ERC2: variants seen among roughly 807,000 people sequenced by gnomAD.
ERC2 encodes ERC protein 2.
In ERC2, 42 loss-of-function variants were observed where a neutral mutation model predicts 114.8. The observed-to-expected ratio is 0.37, with a 90% CI of 0.29 to 0.47. The LOEUF is 0.47. Ranked by LOEUF, ERC2 falls within the 20% of genes least tolerant of loss-of-function variation. ERC2 has a pLI of 0.99. For missense variants in ERC2, 939 were observed against 1,150.7 expected, an observed-to-expected ratio of 0.82 and a Z score of 2.66; for synonymous variants, 454 against 425.5, an observed-to-expected ratio of 1.07 and a Z score of -0.82.
rs118000572 is a variant in ERC2 at position 56,453,303 on chromosome 3, C to G, written c.-141+14945G>C. ...TGGGTAAAACATTCTTTTTTCTTCT[C>G]TACCATGAAGATAGGCTGTCCAAGA... On this transcript the variant is annotated intron_variant, in intron 1 of 17. Transcript: ENST00000288221. 3.0e-3 allele frequency among the ~76,000 whole-genome samples: 464 copies of G among 152,268 alleles called. 6 individuals carry two copies. The East Asian group carries it at 0.036, about 12-fold the overall frequency.
chr3:56,082,116 C>T (rs1376130027), intron 6 of ERC2, among the ~76,000 whole-genome samples: 2 of 152,104 alleles, frequency 1.3e-5, no homozygotes, highest in Non-Finnish European at 2.9e-5. Flanking sequence ...CCACAATTAT[C>T]TTGCTGCCAC....
At chr3:55,563,638 C>T (rs535047009) in intron 17 of ERC2, among the ~76,000 whole-genome samples, 19 of 152,302 alleles carry the variant, frequency 1.2e-4, no homozygotes, top group African/African-American at 4.1e-4. Flanking sequence ...GAAAGGGCCA[C>T]GGAACGTGGA....
At chr3:55,725,211 C>T (rs921636818) in intron 15 of ERC2, among the ~76,000 whole-genome samples, 3 of 152,144 alleles carry the variant, frequency 2.0e-5, no homozygotes, top group Non-Finnish European at 4.4e-5. Flanking sequence ...AGCCACCTCC[C>T]CCTTTATGCA....
At position 56,182,660 on chromosome 3, in the gene ERC2, A is replaced by C. The variant is rs570061631; in HGVS notation, c.1075-9140T>G. 5.6e-4 allele frequency among the ~76,000 whole-genome samples: 86 copies of C among 152,342 alleles called. No individual in the cohort carries two copies. In the Middle Eastern group the frequency reaches 0.014, roughly 24 times the overall value. ...ACTCAAGAAAACCTTACTGAACTGT[A>C]CTGCAGAAATTTATCCCAGGCAGTC... On this transcript the variant is annotated intron_variant, in intron 3 of 17. Coordinates refer to ENST00000288221, the MANE Select transcript of ERC2 (RefSeq NM_015576.3).
chr3:55,670,801 G>A lies in ERC2; in HGVS notation c.*39+12993C>T, dbSNP rs114500099. Among the ~76,000 whole-genome samples the A allele has an allele frequency of 2.3e-3, 350 of 152,286 alleles. 2 individuals are homozygous for A. Among genetic ancestry groups the A allele is most frequent in the African/African-American group, 8.0e-3 (332 of 41,562 alleles). ...CTGGTTTTTGTGTGGTCTGCAAGTC[G>A]AAAATGGGTTTTACCTTTTTCAACA... On this transcript the variant is annotated intron_variant, in intron 17 of 17. Transcript: ENST00000288221.
chr3:56,443,674 T>G (rs1341163220), intron 1 of ERC2, among the ~76,000 whole-genome samples: 2 of 152,152 alleles, frequency 1.3e-5, no homozygotes, highest in East Asian at 1.9e-4. Flanking sequence ...TTTTTTTGGT[T>G]GTTGTCTCCT....
chr3:55,549,580 T>A (rs2055007661), intron 17 of ERC2, among the ~76,000 whole-genome samples: 1 of 151,216 alleles, frequency 6.6e-6, no homozygotes, highest in Admixed American at 6.6e-5. Context: ...TGCAAGGCTG[T>A]TATATCAGGT....
intron 2 of ERC2, among the ~76,000 whole-genome samples, chr3:56,306,332 C>T (rs908400820): frequency 2.0e-5 from 3 of 152,154 alleles, no homozygotes; most frequent in Non-Finnish European, 2.9e-5. Context: ...CAGTACAGCA[C>T]TATTCCTAAT....
chr3:56,442,961 G>A (rs957604596), intron 1 of ERC2, among the ~76,000 whole-genome samples: 4 of 152,180 alleles, frequency 2.6e-5, no homozygotes, highest in African/African-American at 7.2e-5. Flanking sequence ...TGAGAGGAAG[G>A]TGATTACAGG....
intron 13 of ERC2, among the ~76,000 whole-genome samples, chr3:55,907,276 T>C (rs1039331861): frequency 6.6e-6 from 1 of 152,180 alleles, no homozygotes; most frequent in Non-Finnish European, 1.5e-5. Flanking sequence ...TTAAGAAAGA[T>C]CCCAGTTCAA....
intron 6 of ERC2, among the ~76,000 whole-genome samples, chr3:56,123,925 T>G (rs1299184813): frequency 6.6e-6 from 1 of 152,214 alleles, no homozygotes; most frequent in African/African-American, 2.4e-5. Context: ...GACAAGGGTA[T>G]GTCGCCTAAC....
chr3:55,515,777 T>C (rs2107159965), intron 17 of ERC2, among the ~76,000 whole-genome samples: 1 of 152,166 alleles, frequency 6.6e-6, no homozygotes. Context: ...GAGCAGGCTA[T>C]AAACGTGTGG....
intron 14 of ERC2, among the ~76,000 whole-genome samples, chr3:55,847,133 A>G (rs1405692898): frequency 1.3e-5 from 2 of 152,196 alleles, no homozygotes; most frequent in Admixed American, 6.5e-5. Flanking sequence ...ATACAAATAG[A>G]TTTATCAGAT....
intron 14 of ERC2, among the ~76,000 whole-genome samples, chr3:55,827,968 T>C (rs1295021286): frequency 2.6e-5 from 4 of 152,188 alleles, no homozygotes; most frequent in African/African-American, 9.6e-5. Context: ...AGCACGTCCA[T>C]CGCCACTGCG....
chr3:55,803,123 T>C (rs2059366876), intron 14 of ERC2, among the ~76,000 whole-genome samples: 1 of 152,204 alleles, frequency 6.6e-6, no homozygotes, highest in African/African-American at 2.4e-5. Flanking sequence ...GGAAGACCAG[T>C]AACCAAGTGC....
Position 56,296,456 on chromosome 3 carries a change from C to T in ERC2, c.658-21G>A, listed in dbSNP as rs191340154. On this transcript the variant is annotated intron_variant, in intron 2 of 17. Transcript: ENST00000288221. The stretch of plus-strand genomic sequence containing the variant: ...AGGTGCTGCAATGAGAAAGATGGAG[C>T]GGGAGAGGAGAAAGAAGGAAAAAAA... 716 of 1,582,952 alleles carry T rather than the reference C, an allele frequency of 4.5e-4. No individual in the cohort carries two copies. In the African/African-American group the frequency reaches 7.9e-3, roughly 17 times the overall value.
chr3:56,265,827 G>T (rs949927898), intron 3 of ERC2, among the ~76,000 whole-genome samples: 1 of 151,870 alleles, frequency 6.6e-6, no homozygotes, highest in Admixed American at 6.6e-5. Context: ...TCAGGAGTTC[G>T]AGACCAGCCT....
chr3:56,027,230 A>T (rs561859190), intron 7 of ERC2, among the ~76,000 whole-genome samples: 1 of 151,712 alleles, frequency 6.6e-6, no homozygotes, highest in South Asian at 2.1e-4. Flanking sequence ...AGGACATTTC[A>T]GTTGTTTTTA....
chr3:55,816,752 G>A (rs147662536), intron 14 of ERC2, among the ~76,000 whole-genome samples: 99 of 151,694 alleles, frequency 6.5e-4, no homozygotes, highest in African/African-American at 2.4e-3. Context: ...TATTTTATCT[G>A]GGGAAAACAA....
Sources: gnomAD v4.1 joint callset for allele counts (sites outside exome capture counted in the v4.1 genomes callset) on GRCh38, gnomAD v4.1.1 for gene constraint, MANE v1.5 for transcripts, NCBI Gene and HGNC (gene_info 2026-07-23, HGNC 2026-07-21) for gene names.